Variants in ECT2L observed in about 807,000 individuals in gnomAD.
The protein encoded by ECT2L is epithelial cell transforming 2 like, also known as epithelial cell-transforming sequence 2 oncogene-like.
ECT2L carries 126 observed loss-of-function variants against 122.8 expected under a neutral mutation model. The observed-to-expected ratio is 1.03, with a 90% CI of 0.89 to 1.19. ECT2L has a LOEUF of 1.19. Ranked by LOEUF, ECT2L falls within the 50% of genes most tolerant of loss-of-function variation. The pLI, the probability that ECT2L is intolerant of heterozygous loss-of-function variation, is 0.00. For synonymous variants in ECT2L, 385 were observed against 381.8 expected, an observed-to-expected ratio of 1.01 and a Z score of -0.10; for missense variants, 1,012 against 1,064.1, an observed-to-expected ratio of 0.95 and a Z score of 0.68.
At chr6:138,849,539 G>A in intron 9 of ECT2L, 105 bp downstream of exon 9, 1 of 1,165,106 alleles carries the variant, frequency 8.6e-7, no homozygotes, top group Non-Finnish European at 1.1e-6. Flanking sequence ...TTGCTAAGAC[G>A]TGTTGATTTT....
chr6:138,821,085 T>C (rs1329399308), intron 4 of ECT2L, among the ~76,000 whole-genome samples: 1 of 152,224 alleles, frequency 6.6e-6, no homozygotes, highest in Non-Finnish European at 1.5e-5. Flanking sequence ...CTTCCATTTC[T>C]TGATTCTACT....
intron 1 of ECT2L, among the ~76,000 whole-genome samples, chr6:138,797,316 T>G (rs988575215): frequency 5.3e-5 from 8 of 152,156 alleles, no homozygotes; most frequent in Non-Finnish European, 1.2e-4. Context: ...CCAGATACCT[T>G]TTTGGAGGCA....
At chr6:138,879,480 T>C (rs1415700248) in intron 14 of ECT2L, 1 of 152,190 alleles carries the variant, frequency 6.6e-6, no homozygotes, top group Non-Finnish European at 1.5e-5. Context: ...ATTTAGATAT[T>C]ATAAATTTTC....
chr6:138,875,364 T>C (rs1778402879), intron 13 of ECT2L, among the ~76,000 whole-genome samples: 1 of 152,194 alleles, frequency 6.6e-6, no homozygotes, highest in Admixed American at 6.5e-5. Context: ...TTTGCCTCAG[T>C]AGAGTAAGGT....
intron 4 of ECT2L, among the ~76,000 whole-genome samples, chr6:138,817,714 T>G (rs1341060205): frequency 6.6e-6 from 1 of 152,192 alleles, no homozygotes; most frequent in Admixed American, 6.5e-5. Context: ...ATTTCCTAAG[T>G]GGAATTTTAT....
chr6:138,876,619 C>A, intron 14 of ECT2L, 61 bp downstream of exon 14: 1 of 1,095,524 alleles, frequency 9.1e-7, no homozygotes. Flanking sequence ...AAATTTCAGC[C>A]TTTATTCTGG....
chr6:138,901,187 C>T (rs901832100), intron 21 of ECT2L, 67 bp downstream of exon 21: 2 of 1,471,448 alleles, frequency 1.4e-6, no homozygotes, highest in East Asian at 4.6e-5. Flanking sequence ...AGCTCTTTAA[C>T]AGAACAGTAG....
At chr6:138,810,121 A>G (rs1775843274) in intron 1 of ECT2L, among the ~76,000 whole-genome samples, 1 of 152,250 alleles carries the variant, frequency 6.6e-6, no homozygotes, top group South Asian at 2.1e-4. Flanking sequence ...CCAAAGTACT[A>G]GAAGAAATAG....
At chr6:138,828,945 G>A (rs1341239465) in intron 4 of ECT2L, among the ~76,000 whole-genome samples, 1 of 151,926 alleles carries the variant, frequency 6.6e-6, no homozygotes, top group East Asian at 1.9e-4. Flanking sequence ...CTTTTGACAT[G>A]TTAATTTCTC....
intron 10 of ECT2L, among the ~76,000 whole-genome samples, chr6:138,858,308 C>T (rs1224703284): frequency 6.6e-6 from 1 of 152,088 alleles, no homozygotes; most frequent in Non-Finnish European, 1.5e-5. Flanking sequence ...TTAAATCAAA[C>T]CCTTGATTGC....
chr6:138,899,918 A>C (rs1405043525), intron 20 of ECT2L, among the ~76,000 whole-genome samples: 1 of 152,194 alleles, frequency 6.6e-6, no homozygotes, highest in African/African-American at 2.4e-5. Context: ...CAAATAACCC[A>C]CACTAGAGCA....
chr6:138,802,991 G>A lies in ECT2L; in HGVS notation c.-244+6799G>A, dbSNP rs539382504. Among the ~76,000 whole-genome samples, 14 of 151,800 alleles carry A rather than the reference G, an allele frequency of 9.2e-5. No individual in the cohort carries two copies. In the East Asian group the frequency reaches 1.9e-3, roughly 21 times the overall value. ...CTCAGGAAGCTGAGGCAGGAAAATC[G>A]CTTGAACCCAGAAGGCAGACATTGC... On this transcript the variant is annotated intron_variant, in intron 1 of 21. Transcript: ENST00000541398.
intron 8 of ECT2L, among the ~76,000 whole-genome samples, chr6:138,848,882 T>A (rs1413203437): frequency 6.6e-6 from 1 of 152,212 alleles, no homozygotes; most frequent in Non-Finnish European, 1.5e-5. Context: ...CTCTAACTCT[T>A]GAGCTCAAGT....
At chr6:138,834,935 A>ACACACACACTCTCT (rs5880405) in intron 4 of ECT2L, among the ~76,000 whole-genome samples, 286 of 142,824 alleles carry the variant, frequency 2.0e-3, no homozygotes, top group Middle Eastern at 7.1e-3. Flanking sequence ...ACACACACAC[A>ACACACACACTCTCT]CTCTCATTCT....
At chr6:138,826,200 C>A (rs1209234187) in intron 4 of ECT2L, among the ~76,000 whole-genome samples, 3 of 152,168 alleles carry the variant, frequency 2.0e-5, no homozygotes, top group African/African-American at 7.2e-5. Flanking sequence ...TATTCCAATT[C>A]TCTCAGCTCT....
chr6:138,862,313 A>C (rs1777861578), intron 10 of ECT2L, among the ~76,000 whole-genome samples: 1 of 152,162 alleles, frequency 6.6e-6, no homozygotes, highest in Non-Finnish European at 1.5e-5. Context: ...GGAGCTTATA[A>C]TCACGGCAGA....
At chr6:138,837,731 C>G (rs1272496670) in intron 4 of ECT2L, among the ~76,000 whole-genome samples, 1 of 151,212 alleles carries the variant, frequency 6.6e-6, no homozygotes, top group Non-Finnish European at 1.5e-5. Flanking sequence ...TGAATTTCAA[C>G]TCCATTAAAA....
At chr6:138,854,355 A>C (rs997383076) in intron 10 of ECT2L, among the ~76,000 whole-genome samples, 1 of 152,200 alleles carries the variant, frequency 6.6e-6, no homozygotes, top group African/African-American at 2.4e-5. Flanking sequence ...TCTCTACAGA[A>C]ATACGGTCCC....
chr6:138,882,855 T>G lies in ECT2L; in HGVS notation c.2012T>G (p.Leu671Arg). ...TNFFNNYPVILKTIEKCREMI... is the reference protein window; with the variant it reads ...TNFFNNYPVIRKTIEKCREMI... The stretch of plus-strand genomic sequence containing the variant: ...TTCTTCAACAATTACCCTGTCATTC[T>G]GAAAACTATTGAGAAGGTAAATGAG... Residue 671 changes from leucine to arginine, a missense_variant, in exon 16 of 22, where the codon CTG (leucine) becomes CGG (arginine). Leu to Arg is a moderately radical substitution (Grantham distance 102). Transcript: ENST00000541398. 6.2e-7 allele frequency: 1 copy of G among 1,614,142 alleles called. No individual in the cohort carries two copies.
Sources: allele counts gnomAD v4.1 joint callset (sites outside exome capture counted in the v4.1 genomes callset), GRCh38; gene constraint gnomAD v4.1.1; transcripts MANE v1.5; gene names NCBI Gene and HGNC (gene_info 2026-07-23, HGNC 2026-07-21).